ANKRD44: variants seen among roughly 807,000 people sequenced by gnomAD.
ANKRD44 encodes serine/threonine-protein phosphatase 6 regulatory ankyrin repeat subunit B.
In ANKRD44, 35 loss-of-function variants were observed where a neutral mutation model predicts 116.0. The ratio of observed to expected loss-of-function variants is 0.30; its 90% confidence interval spans 0.23 to 0.40. The LOEUF is 0.40. Ranked by LOEUF, ANKRD44 falls within the 10% of genes least tolerant of loss-of-function variation. The pLI is 1.00. For synonymous variants in ANKRD44, 435 were observed against 461.8 expected (o/e 0.94, Z 0.74); for missense variants, 1,014 against 1,242.6 (o/e 0.82, Z 2.77).
chr2:196,986,406 A>AAAAAC (rs57186025), downstream of ANKRD44, among the ~76,000 whole-genome samples: 883 of 152,048 alleles, frequency 5.8e-3, 7 homozygotes, highest in African/African-American at 0.016. Context: ...CAGAGCAGAA[A>AAAAAC]AAAACAAAAC....
intron 1 of ANKRD44, among the ~76,000 whole-genome samples, chr2:197,200,836 G>A (rs750364057): frequency 3.9e-5 from 6 of 152,196 alleles, no homozygotes; most frequent in Non-Finnish European, 8.8e-5. Context: ...TGTTTACATC[G>A]ACAGTCACTA....
intron 17 of ANKRD44, among the ~76,000 whole-genome samples, chr2:197,017,213 A>G (rs1437120699): frequency 6.6e-6 from 1 of 152,198 alleles, no homozygotes; most frequent in African/African-American, 2.4e-5. Context: ...GAAGTTGCAA[A>G]CAGTACTTAA....
intron 1 of ANKRD44, among the ~76,000 whole-genome samples, chr2:197,286,007 C>T (rs1357255294): frequency 6.6e-6 from 1 of 152,172 alleles, no homozygotes; most frequent in Non-Finnish European, 1.5e-5. Flanking sequence ...GACAATGGTA[C>T]CACCCAATTT....
At chr2:197,078,479 T>C in intron 16 of ANKRD44, 4 of 1,252,700 alleles carry the variant, frequency 3.2e-6, no homozygotes, top group Middle Eastern at 2.9e-4. Flanking sequence ...TTTTGTGCTG[T>C]GCTTAAAAGC....
At chr2:197,087,400 AT>A (rs1294641672) in intron 12 of ANKRD44, among the ~76,000 whole-genome samples, 6 of 152,190 alleles carry the variant, frequency 3.9e-5, no homozygotes, top group Admixed American at 2.6e-4. Flanking sequence ...GATTTTTCCT[AT>A]TAAAGGGCAT....
At chr2:197,028,228 A>AT (rs529638745) in intron 16 of ANKRD44, among the ~76,000 whole-genome samples, 8 of 151,692 alleles carry the variant, frequency 5.3e-5, no homozygotes, top group East Asian at 2.0e-4. Flanking sequence ...CTTTATTTTT[A>AT]TTTTTTAAAA....
chr2:197,281,434 ACT>A (rs1373701181), intron 1 of ANKRD44, among the ~76,000 whole-genome samples: 2 of 151,998 alleles, frequency 1.3e-5, no homozygotes, highest in African/African-American at 4.8e-5. Context: ...TAGTTGTCCA[ACT>A]CTCTGTCCAT....
chr2:197,277,393 AT>A (rs1265915648), intron 1 of ANKRD44, among the ~76,000 whole-genome samples: 1 of 152,102 alleles, frequency 6.6e-6, no homozygotes, highest in East Asian at 1.9e-4. Context: ...TGCTATGGGA[AT>A]TCAAGAAAGG....
At chr2:197,171,974 T>C (rs1256105751) in intron 2 of ANKRD44, among the ~76,000 whole-genome samples, 1 of 151,284 alleles carries the variant, frequency 6.6e-6, no homozygotes, top group Non-Finnish European at 1.5e-5. Flanking sequence ...CTCCCATTAT[T>C]ATTACCATGT....
chr2:197,246,552 A>G (rs2082197572), intron 1 of ANKRD44, among the ~76,000 whole-genome samples: 3 of 151,604 alleles, frequency 2.0e-5, no homozygotes, highest in African/African-American at 7.3e-5. Flanking sequence ...GGGACCTTGA[A>G]TTCCCAGGTC....
At chr2:197,114,414 T>C (rs527332252) in intron 8 of ANKRD44, among the ~76,000 whole-genome samples, 1 of 152,302 alleles carries the variant, frequency 6.6e-6, no homozygotes, top group South Asian at 2.1e-4. Flanking sequence ...CCCTAAGTCA[T>C]AAAGGAAAAA....
At chr2:197,143,921 A>C (rs1453792809) in intron 3 of ANKRD44, among the ~76,000 whole-genome samples, 3 of 151,942 alleles carry the variant, frequency 2.0e-5, no homozygotes, top group Non-Finnish European at 4.4e-5. Context: ...AAGCCACCAC[A>C]CCTAGCCTTT....
chr2:197,037,908 C>T (rs1346344106), intron 16 of ANKRD44, among the ~76,000 whole-genome samples: 1 of 152,094 alleles, frequency 6.6e-6, no homozygotes, highest in South Asian at 2.1e-4. Flanking sequence ...CACCACTGTA[C>T]TCCAGCCTGG....
intron 17 of ANKRD44, chr2:197,015,329 T>C: frequency 8.3e-6 from 4 of 484,712 alleles, no homozygotes; most frequent in Non-Finnish European, 1.5e-5. Flanking sequence ...TTAAAAGGTA[T>C]GGCAAGATTA....
chr2:197,264,341 T>C (rs1294212298), intron 1 of ANKRD44, among the ~76,000 whole-genome samples: 1 of 152,204 alleles, frequency 6.6e-6, no homozygotes, highest in Non-Finnish European at 1.5e-5. Flanking sequence ...GTTCTAATTT[T>C]GACCAAATAA....
chr2:197,078,289 CCACACACACACACA>C lies in ANKRD44; in HGVS notation c.1650+400_1650+413del, dbSNP rs10581633. Reference sequence around the variant, plus strand: ...AAAGCCTTCACTCTGCCACTGATTACCACACACACACACACACACACACACACACACACACACGC... The same window carrying C: ...AAAGCCTTCACTCTGCCACTGATTACCACACACACACACACACACACACGC... On this transcript the variant is annotated intron_variant, in intron 16 of 27. Coordinates refer to ENST00000282272, the MANE Select transcript of ANKRD44 (RefSeq NM_001195144.2). The C allele has an allele frequency of 6.3e-3, 998 of 157,998 alleles. 10 individuals are homozygous for C. Among genetic ancestry groups the C allele is most frequent in the African/African-American group, 0.021 (841 of 39,296 alleles). 9.8% of individuals were successfully genotyped at this position (157,998 alleles called of 1,614,324 possible).
intron 16 of ANKRD44, chr2:197,078,473 G>T: frequency 1.7e-6 from 2 of 1,197,776 alleles, no homozygotes; most frequent in Non-Finnish European, 1.1e-6. Context: ...CCATGCTTTT[G>T]TGCTGTGCTT....
At chr2:197,049,647 A>AT (rs559027677) in intron 16 of ANKRD44, among the ~76,000 whole-genome samples, 170 of 148,212 alleles carry the variant, frequency 1.1e-3, no homozygotes, top group South Asian at 0.011. Flanking sequence ...CTACTGTATG[A>AT]TTTTTTTTTT....
chr2:197,001,516 C>A (rs2076114534), intron 22 of ANKRD44, among the ~76,000 whole-genome samples: 2 of 152,188 alleles, frequency 1.3e-5, no homozygotes, highest in Non-Finnish European at 2.9e-5. Flanking sequence ...TCACTCTACC[C>A]CTTCACGAGA....
Sources: gnomAD v4.1 joint callset for allele counts (sites outside exome capture counted in the v4.1 genomes callset) on GRCh38, gnomAD v4.1.1 for gene constraint, MANE v1.5 for transcripts, NCBI Gene and HGNC (gene_info 2026-07-23, HGNC 2026-07-21) for gene names.